The following ACSM3 variants were observed in gnomAD, a reference collection of about 807,000 sequenced individuals.
The protein encoded by ACSM3 is acyl-CoA synthetase medium chain family member 3, also known as acyl-coenzyme A synthetase ACSM3, mitochondrial.
Under a neutral mutation model 74.1 loss-of-function variants are expected in ACSM3, and 61 were observed. The ratio of observed to expected loss-of-function variants is 0.82; its 90% CI spans 0.67 to 1.02. ACSM3 has a LOEUF of 1.02. Among genes scored for constraint, ACSM3 ranks in the 50% least tolerant of loss-of-function variants. The pLI, the probability that ACSM3 is intolerant of heterozygous loss-of-function variation, is 0.00. For missense variants in ACSM3, 660 were observed against 697.0 expected (o/e 0.95, Z 0.60); for synonymous variants, 213 against 241.5 (o/e 0.88, Z 1.09).
At chr16:20,713,165 A>G (rs2152380084) in intron 1 of ACSM3, among the ~76,000 whole-genome samples, 1 of 152,308 alleles carries the variant, frequency 6.6e-6, no homozygotes. Flanking sequence ...AATGGAGATA[A>G]TGATAGTATC....
At chr16:20,750,027 A>G (rs1181908109) in intron 2 of ACSM3, 1 of 152,254 alleles carries the variant, frequency 6.6e-6, no homozygotes, top group Admixed American at 6.5e-5. Context: ...TGGGTTTGAG[A>G]TTTAAATTTC....
chr16:20,695,773 G>T (rs538002798), intron 1 of ACSM3, among the ~76,000 whole-genome samples: 80 of 152,066 alleles, frequency 5.3e-4, no homozygotes, highest in African/African-American at 1.8e-3. Flanking sequence ...CTATGTCTGC[G>T]TCTATCTCTA....
chr16:20,733,900 A>AT (rs1281745076), intron 1 of ACSM3: 2 of 152,062 alleles, frequency 1.3e-5, no homozygotes, highest in African/African-American at 4.8e-5. Flanking sequence ...AACTGACGTA[A>AT]TTTTTTAAAA....
intron 1 of ACSM3, among the ~76,000 whole-genome samples, chr16:20,714,284 A>G (rs1381994051): frequency 6.6e-6 from 1 of 151,540 alleles, no homozygotes; most frequent in African/African-American, 2.4e-5. Context: ...CAAAATATGG[A>G]GATAGAGTGA....
chr16:20,712,580 A>G (rs1311795587), intron 1 of ACSM3, among the ~76,000 whole-genome samples: 2 of 151,966 alleles, frequency 1.3e-5, no homozygotes, highest in Non-Finnish European at 2.9e-5. Context: ...ATTATTCTTC[A>G]AAGAGGTGTT....
chr16:20,769,876 T>C, intron 1 of ACSM3, 108 bp from the exon 2 acceptor site: 1 of 640,088 alleles, frequency 1.6e-6, no homozygotes, highest in Non-Finnish European at 2.7e-6. Context: ...ACGCAGCAAA[T>C]GGTACTATCA....
At chr16:20,764,440 A>G (rs1228310984) in intron 1 of ACSM3, among the ~76,000 whole-genome samples, 1 of 152,190 alleles carries the variant, frequency 6.6e-6, no homozygotes, top group Non-Finnish European at 1.5e-5. Flanking sequence ...TAATTGAACC[A>G]GATGCGGTGG....
At chr16:20,786,413 G>A in intron 9 of ACSM3, 1 of 660,102 alleles carries the variant, frequency 1.5e-6, no homozygotes, top group Admixed American at 4.4e-5. Flanking sequence ...GGATGCAGTG[G>A]CTCACGCCTG....
At chr16:20,739,036 C>T (rs779754452) in intron 1 of ACSM3, 13 of 1,614,098 alleles carry the variant, frequency 8.1e-6, no homozygotes, top group Non-Finnish European at 4.2e-6. Context: ...CATCCTCTCC[C>T]TCACTTCCAG....
intron 1 of ACSM3, among the ~76,000 whole-genome samples, chr16:20,701,867 T>G (rs533191908): frequency 1.3e-5 from 2 of 152,238 alleles, no homozygotes; most frequent in Non-Finnish European, 2.9e-5. Context: ...GCAAAGGACA[T>G]GAACTCATTC....
chr16:20,725,518 C>G (rs1354657464), intron 1 of ACSM3: 2 of 161,698 alleles, frequency 1.2e-5, no homozygotes, highest in Non-Finnish European at 2.8e-5. Flanking sequence ...TTTTTCAGCA[C>G]AGGGCAGCCC....
intron 1 of ACSM3, chr16:20,711,468 C>T: frequency 3.2e-6 from 4 of 1,252,424 alleles, no homozygotes; most frequent in Non-Finnish European, 4.4e-6. Flanking sequence ...TAGTGTCCTT[C>T]CCAGGGATTG....
At chr16:20,766,755 A>AATGAATAAAT (rs1343243690) in intron 1 of ACSM3, 1 of 152,102 alleles carries the variant, frequency 6.6e-6, no homozygotes, top group East Asian at 1.9e-4. Context: ...GGAAAGAATA[A>AATGAATAAAT]ATGAATAAAT....
chr16:20,728,716 T>TG (rs2079815545), intron 1 of ACSM3, among the ~76,000 whole-genome samples: 1 of 150,426 alleles, frequency 6.6e-6, no homozygotes, highest in Non-Finnish European at 1.5e-5. Context: ...CAGGGTAGGA[T>TG]GGGGGTGCAG....
chr16:20,762,685 T>C (rs1034847403), upstream of ACSM3, among the ~76,000 whole-genome samples: 1 of 152,160 alleles, frequency 6.6e-6, no homozygotes, highest in African/African-American at 2.4e-5. Flanking sequence ...TTATAGTAAC[T>C]GATGCAGAAA....
At chr16:20,771,371 CTTT>C (rs57406215) in intron 2 of ACSM3, among the ~76,000 whole-genome samples, 3 of 85,266 alleles carry the variant, frequency 3.5e-5, no homozygotes, top group East Asian at 5.4e-4. Context: ...GGCCGAGCTC[CTTT>C]TTTTTTTTTT....
intron 1 of ACSM3, among the ~76,000 whole-genome samples, chr16:20,767,639 T>A (rs1161623799): frequency 1.3e-5 from 2 of 152,054 alleles, no homozygotes; most frequent in African/African-American, 4.8e-5. Flanking sequence ...CAACTGGGAT[T>A]CAGAGTGATT....
At chr16:20,677,273 C>T (rs2152291916) in intron 1 of ACSM3, among the ~76,000 whole-genome samples, 1 of 151,548 alleles carries the variant, frequency 6.6e-6, no homozygotes, top group South Asian at 2.1e-4. Context: ...TTAGGACTGC[C>T]AGATCTAACT....
intron 1 of ACSM3, among the ~76,000 whole-genome samples, chr16:20,683,641 C>T (rs1216999616): frequency 2.2e-5 from 2 of 90,934 alleles, no homozygotes; most frequent in Non-Finnish European, 4.6e-5. Context: ...GGGCTCAGCT[C>T]AAGTCTTTTT....
Sources: gnomAD v4.1 joint callset for allele counts (sites outside exome capture counted in the v4.1 genomes callset) on GRCh38, gnomAD v4.1.1 for gene constraint, MANE v1.5 for transcripts, NCBI Gene and HGNC (gene_info 2026-07-23, HGNC 2026-07-21) for gene names.